The following ULK2 variants were observed in gnomAD, a reference collection of about 807,000 sequenced individuals.
ULK2 encodes the protein serine/threonine-protein kinase ULK2.
In ULK2, 76 loss-of-function variants were observed where a neutral mutation model predicts 127.5. The observed-to-expected ratio is 0.60, with a 90% CI of 0.50 to 0.72. The LOEUF (loss-of-function observed/expected upper bound fraction) is 0.72, where lower values mean the gene tolerates loss of function less well. Ranked by LOEUF, ULK2 falls within the 30% of genes least tolerant of loss-of-function variation. The pLI, the probability that ULK2 is intolerant of heterozygous loss-of-function variation, is 0.00. For missense variants in ULK2, 1,144 were observed against 1,295.9 expected (o/e 0.88, Z 1.80); for synonymous variants, 452 against 461.9 (o/e 0.98, Z 0.28).
chr17:19,862,479 T>C (rs1233848198), intron 3 of ULK2, among the ~76,000 whole-genome samples: 2 of 151,662 alleles, frequency 1.3e-5, no homozygotes, highest in Non-Finnish European at 2.9e-5. Context: ...TTTTTTTTTT[T>C]GTTTGAGATG....
At chr17:19,824,292 A>G (rs534223132) in intron 12 of ULK2, among the ~76,000 whole-genome samples, 3 of 151,972 alleles carry the variant, frequency 2.0e-5, no homozygotes, top group Non-Finnish European at 4.4e-5. Context: ...AAAAGATACA[A>G]AAAATTAGCT....
intron 12 of ULK2, among the ~76,000 whole-genome samples, chr17:19,818,773 T>C (rs907920878): frequency 1.3e-5 from 2 of 150,414 alleles, no homozygotes; most frequent in East Asian, 3.9e-4. Flanking sequence ...AATTATCATC[T>C]CTTCTTCATT....
intron 3 of ULK2, among the ~76,000 whole-genome samples, chr17:19,854,413 T>C (rs1429386181): frequency 6.6e-6 from 1 of 152,092 alleles, no homozygotes; most frequent in Non-Finnish European, 1.5e-5. Context: ...GCAAAAATAT[T>C]CAGAATATAT....
intron 20 of ULK2, among the ~76,000 whole-genome samples, chr17:19,794,725 A>G (rs1177092248): frequency 1.4e-3 from 1 of 732 alleles, no homozygotes; most frequent in Non-Finnish European, 7.1e-3. Flanking sequence ...GTCATAGAGA[A>G]AAAAAAAAAA....
At chr17:19,806,967 A>C (rs1443793971) in intron 14 of ULK2, among the ~76,000 whole-genome samples, 1 of 152,156 alleles carries the variant, frequency 6.6e-6, no homozygotes, top group African/African-American at 2.4e-5. Flanking sequence ...TCAAATACAC[A>C]ATCTTTACAC....
intron 3 of ULK2, among the ~76,000 whole-genome samples, chr17:19,851,321 C>T (rs1296312772): frequency 1.7e-5 from 2 of 116,372 alleles, no homozygotes; most frequent in Non-Finnish European, 3.2e-5. Context: ...AGTGAGACTT[C>T]CCCTCAAAAA....
At position 19,839,748 on chromosome 17, in the gene ULK2, A is replaced by C. The variant is rs182234828; in HGVS notation, c.705-1165T>G. Among the ~76,000 whole-genome samples, 9 of 152,316 alleles carry C rather than the reference A, an allele frequency of 5.9e-5. No individual in the cohort carries two copies. The East Asian group carries it at 1.7e-3, about 29-fold the overall frequency. On this transcript the variant is annotated intron_variant, in intron 9 of 26. Transcript: ENST00000395544. ...AATTCACTAATAAAGAGAATAATGC[A>C]AATTAAATTAATAGCTAACTGGTCC...
intron 21 of ULK2, among the ~76,000 whole-genome samples, chr17:19,784,513 C>CTT (rs563736244): frequency 5.1e-4 from 23 of 45,096 alleles, no homozygotes; most frequent in Non-Finnish European, 7.4e-4. Flanking sequence ...GGACATGATA[C>CTT]TTTTTTTTTT....
Position 19,783,832 on chromosome 17 carries a change from TG to T in ULK2, c.2324del (p.Pro775GlnfsTer16). ...GRVCVGSPPG[P>X]GFGSSPPGAE... ...CTCCTGGAGGGGAAGAGCCGAAGCC[TG>T]GGCCAGGCGGGGACCCCACGCACAC... is the stretch of plus-strand genomic sequence containing the variant. On this transcript the variant is annotated frameshift_variant, in exon 22 of 27. Coordinates refer to ENST00000395544, the MANE Select transcript of ULK2 (RefSeq NM_014683.4). LOFTEE classifies it high-confidence loss of function. 6.3e-7 allele frequency: 1 copy of T among 1,599,892 alleles called. No individual in the cohort carries two copies. Among genetic ancestry groups the T allele is most frequent in the Non-Finnish European group, 8.5e-7 (1 of 1,173,084 alleles).
Position 19,851,326 on chromosome 17 carries a change from C to CAAA in ULK2, c.226-1555_226-1553dup, listed in dbSNP as rs554643908. 9.9e-3 allele frequency among the ~76,000 whole-genome samples: 406 copies of CAAA among 41,030 alleles called. 21 individuals are homozygous for CAAA. Among genetic ancestry groups the CAAA allele is most frequent in the African/African-American group, 0.028 (302 of 10,724 alleles). The allele number at this position is 41,030 out of a possible 152,430, so 26.9% of individuals were successfully genotyped here. On this transcript the variant is annotated intron_variant, in intron 3 of 26. Transcript: ENST00000395544. The stretch of plus-strand genomic sequence containing the variant: ...TGGGCAACAGAGTGAGACTTCCCCT[C>CAAA]AAAAAAAAAAAAAAAAAAAAAAAAA...
intron 10 of ULK2, among the ~76,000 whole-genome samples, chr17:19,828,678 G>A (rs929272246): frequency 6.6e-6 from 1 of 152,154 alleles, no homozygotes; most frequent in Non-Finnish European, 1.5e-5. Flanking sequence ...CAAAAAAGCT[G>A]TAAGACATAA....
intron 23 of ULK2, 68 bp downstream of exon 23, chr17:19,781,821 C>A: frequency 1.3e-6 from 2 of 1,536,832 alleles, no homozygotes; most frequent in South Asian, 1.2e-5. Context: ...ATGACAATAC[C>A]TACAACTTAG....
intron 3 of ULK2, among the ~76,000 whole-genome samples, chr17:19,862,375 A>G (rs3101812): frequency 0.054 from 8,268 of 152,158 alleles, 382 homozygotes; most frequent in East Asian, 0.24. Context: ...GATTACAGGC[A>G]TGAGCCATCG....
chr17:19,783,025 T>C (rs1032999126), intron 22 of ULK2, among the ~76,000 whole-genome samples: 1 of 152,216 alleles, frequency 6.6e-6, no homozygotes, highest in Admixed American at 6.5e-5. Flanking sequence ...ATCTCAAGCC[T>C]AAAAGTTTCC....
At chr17:19,823,304 G>A (rs767555829) in intron 12 of ULK2, among the ~76,000 whole-genome samples, 5 of 151,884 alleles carry the variant, frequency 3.3e-5, no homozygotes, top group African/African-American at 7.3e-5. Context: ...CCTCCAGTTA[G>A]TTCTACATTC....
chr17:19,828,475 G>A (rs2041350067), intron 10 of ULK2, among the ~76,000 whole-genome samples: 1 of 152,110 alleles, frequency 6.6e-6, no homozygotes, highest in Admixed American at 6.6e-5. Context: ...AACATAAAGG[G>A]GGTATAAAGC....
intron 10 of ULK2, among the ~76,000 whole-genome samples, chr17:19,830,527 C>T (rs1249768872): frequency 2.0e-5 from 3 of 151,044 alleles, no homozygotes; most frequent in East Asian, 3.9e-4. Flanking sequence ...ATTGTAATCA[C>T]GGTGACTGAT....
At chr17:19,840,714 TAA>T (rs373676849) in intron 9 of ULK2, among the ~76,000 whole-genome samples, 72 of 121,054 alleles carry the variant, frequency 5.9e-4, no homozygotes, top group African/African-American at 4.0e-4. Flanking sequence ...CCGTGTCCAC[TAA>T]AAAAAAAAAA....
At chr17:19,781,821 C>T in intron 23 of ULK2, 68 bp downstream of exon 23, 1 of 1,536,832 alleles carries the variant, frequency 6.5e-7, no homozygotes, top group Non-Finnish European at 8.8e-7. Flanking sequence ...ATGACAATAC[C>T]TACAACTTAG....
Sources: allele counts gnomAD v4.1 joint callset (sites outside exome capture counted in the v4.1 genomes callset), GRCh38; gene constraint gnomAD v4.1.1; transcripts MANE v1.5; gene names NCBI Gene and HGNC (gene_info 2026-07-23, HGNC 2026-07-21).